KIF9: variants seen among roughly 807,000 people sequenced by gnomAD.
KIF9 encodes the protein kinesin family member 9.
In KIF9, 68 loss-of-function variants were observed where a neutral mutation model predicts 94.8. The ratio of observed to expected loss-of-function variants is 0.72; its 90% CI spans 0.59 to 0.88. The LOEUF is 0.88. KIF9 is among the 40% of genes least tolerant of loss of function. The probability of loss-of-function intolerance (pLI) is 0.00; values close to 1 mark genes in which losing one functional copy is unlikely to be tolerated. For missense variants in KIF9, 882 were observed against 982.5 expected (o/e 0.90, Z 1.37); for synonymous variants, 343 against 362.1 (o/e 0.95, Z 0.60).
In KIF9 at chr3:47,242,413, C is replaced by T. The variant is rs545594836; in HGVS notation, c.1709+638G>A. Among the ~76,000 whole-genome samples the T allele has an allele frequency of 2.6e-5, 4 of 152,194 alleles. No individual in the cohort carries two copies. The South Asian group carries it at 8.3e-4, about 32-fold the overall frequency. Reference sequence around the variant, plus strand: ...AGGCAGAATGAAACAAGAATAGTAACATATAAATTGTAGAATTGGGAGGAT... The same window carrying T: ...AGGCAGAATGAAACAAGAATAGTAATATATAAATTGTAGAATTGGGAGGAT... On this transcript the variant is annotated intron_variant, in intron 16 of 20. Coordinates refer to ENST00000684063, the MANE Select transcript of KIF9 (RefSeq NM_182902.4).
rs1698309991 is a variant in KIF9 at position 47,228,273 on chromosome 3, C to G, written c.*379G>C. ...GCTGACCAGTGTGACAAAGGCCTGCCAGGAGGAGCCTGGCTGAGCTACTTT... is the reference window on the plus strand; with the variant it reads ...GCTGACCAGTGTGACAAAGGCCTGCGAGGAGGAGCCTGGCTGAGCTACTTT... On this transcript the variant is annotated 3_prime_UTR_variant, in exon 21 of 21. Transcript: ENST00000684063. 5.7e-6 allele frequency: 1 copy of G among 176,358 alleles called. No homozygotes were observed. Among genetic ancestry groups the G allele is most frequent in the East Asian group, 1.6e-4 (1 of 6,176 alleles). The allele number at this position is 176,358 out of a possible 1,614,324, so 10.9% of individuals were successfully genotyped here. A position where few individuals can be genotyped will look rare whatever the true frequency, so the allele number is the denominator to read the frequency against.
At chr3:47,245,610 C>G in intron 13 of KIF9, 99 bp from the exon 14 acceptor site, 1 of 868,898 alleles carries the variant, frequency 1.2e-6, no homozygotes, top group Non-Finnish European at 2.0e-6. Flanking sequence ...ATGGGTGAGG[C>G]CCCTTGTGTG....
chr3:47,252,133 A>C (rs577832991), intron 10 of KIF9, among the ~76,000 whole-genome samples: 1 of 152,384 alleles, frequency 6.6e-6, no homozygotes, highest in Non-Finnish European at 1.5e-5. Flanking sequence ...AGTCTAGGAA[A>C]GGCAGCAACC....
chr3:47,257,509 C>G lies in KIF9; in HGVS notation c.1033G>C (p.Ala345Pro), dbSNP rs552207522. 2.6e-5 allele frequency: 42 copies of G among 1,613,988 alleles called. 1 individual carries two copies. The highest frequency in any genetic ancestry group is 1.7e-4 in the Middle Eastern group (1 of 6,052). ...SRMKLVTTEP[A>P]INEKYDAERM... ...TCAGCATCATACTTTTCATTGATGG[C>G]AGGCTCAGTGGTGACTAGCTTCATC... The change falls in exon 10 of 21, where the codon GCC (alanine) becomes CCC (proline). Residue 345 changes from alanine to proline, a missense_variant. Ala to Pro is a conservative substitution (Grantham distance 27, BLOSUM62 -1). Coordinates refer to ENST00000684063, the MANE Select transcript of KIF9 (RefSeq NM_182902.4).
chr3:47,238,100 GTTTCTT>G (rs1699172995), intron 17 of KIF9, among the ~76,000 whole-genome samples: 1 of 151,932 alleles, frequency 6.6e-6, no homozygotes. Context: ...TTTTTCTTTT[GTTTCTT>G]TTTCTTTTTC....
Position 47,240,365 on chromosome 3 carries a change from T to C in KIF9, c.1924+436A>G, listed in dbSNP as rs548513318. Among the ~76,000 whole-genome samples the C allele has an allele frequency of 1.9e-3, 283 of 152,290 alleles. 1 individual carries two copies. The highest frequency in any genetic ancestry group is 6.2e-3 in the African/African-American group (257 of 41,562). ...TGGCTCTCTGGCATCCACATTCTTG[T>C]TCCCTTACTTGGTTTTTCATAGTCC... On this transcript the variant is annotated intron_variant, in intron 17 of 20. Transcript: ENST00000684063.
chr3:47,282,139 C>T (rs1271521115), intron 1 of KIF9: 3 of 967,360 alleles, frequency 3.1e-6, no homozygotes, highest in African/African-American at 1.8e-5. Context: ...GGTTTCCTCA[C>T]CTGTAACACG....
intron 15 of KIF9, chr3:47,244,299 A>T (rs1342702686): frequency 6.4e-6 from 1 of 156,512 alleles, no homozygotes; most frequent in Non-Finnish European, 1.4e-5. Context: ...TCACTAAGTG[A>T]ACCTAAATGC....
rs755793271 is a variant in KIF9 at position 47,228,715 on chromosome 3, G to C, written c.2323-13C>G. ...TCAAGTAATTATGCTGGACACAGAG[G>C]GAAGAGAAAACAGGAACTTATTAGG... On this transcript the variant is annotated splice_polypyrimidine_tract_variant and intron_variant, in intron 20 of 20. Transcript: ENST00000684063. 1.2e-6 allele frequency: 2 copies of C among 1,612,684 alleles called. No individual in the cohort carries two copies. Among genetic ancestry groups the C allele is most frequent in the Admixed American group, 3.3e-5 (2 of 59,982 alleles).
At chr3:47,256,794 G>A (rs1031117496) in intron 10 of KIF9, among the ~76,000 whole-genome samples, 2 of 152,182 alleles carry the variant, frequency 1.3e-5, no homozygotes, top group African/African-American at 2.4e-5. Flanking sequence ...TTTGTTCTGT[G>A]CTAAGAAAAG....
rs1285592739 is a variant in KIF9, at chr3:47,277,302, T to C, written c.73A>G (p.Arg25Gly). Residue 25 changes from arginine (R) to glycine (G), a missense_variant, in exon 2 of 21, where the codon AGA becomes GGA. Coordinates refer to ENST00000684063, the MANE Select transcript of KIF9 (RefSeq NM_182902.4). The stretch of plus-strand genomic sequence containing the variant: ...CTTACTCTTTTGTCATCTCCGTATC[T>C]GATCATTTCATGAGCAAAGTCATCG... ...PTDDFAHEMIRYGDDKRSIDI... is the reference protein window; with the variant it reads ...PTDDFAHEMIGYGDDKRSIDI... 1.2e-6 allele frequency: 2 copies of C among 1,613,850 alleles called. No homozygotes were observed. The highest frequency in any genetic ancestry group is 1.7e-6 in the Non-Finnish European group (2 of 1,179,870).
chr3:47,243,915 T>C (rs899102848), intron 15 of KIF9: 2 of 152,254 alleles, frequency 1.3e-5, no homozygotes, highest in Non-Finnish European at 2.9e-5. Context: ...CCTCAACCCA[T>C]TGAATACTGC....
chr3:47,265,192 G>A (rs1470557160), intron 8 of KIF9, among the ~76,000 whole-genome samples: 1 of 152,224 alleles, frequency 6.6e-6, no homozygotes, highest in Non-Finnish European at 1.5e-5. Context: ...GAGGATCCAG[G>A]AGAAAACAGC....
At position 47,277,354 on chromosome 3, in the gene KIF9, A is replaced by G. The variant is rs185907670; in HGVS notation, c.21T>C (p.Val7=). The G allele has an allele frequency of 6.2e-7, 1 of 1,613,914 alleles. No individual in the cohort carries two copies. Among genetic ancestry groups the G allele is most frequent in the East Asian group, 2.2e-5 (1 of 44,880 alleles). The change falls in exon 2 of 21, where the codon GTT becomes GTC. Residue 7 remains valine (V), a synonymous_variant. Transcript: ENST00000684063. MGTRKK[V]HAFVRVKPTD... ...TGGGTTTGACACGGACAAATGCATGAACTTTTTTCCTAGTACCCATTCTAG... is the reference window on the plus strand; with the variant it reads ...TGGGTTTGACACGGACAAATGCATGGACTTTTTTCCTAGTACCCATTCTAG...
chr3:47,236,675 G>A (rs1699052346), intron 17 of KIF9, 56 bp from the exon 18 acceptor site: 2 of 1,524,756 alleles, frequency 1.3e-6, no homozygotes, highest in South Asian at 1.1e-5. Context: ...GAAATTGGGG[G>A]AGGAAGGGAT....
chr3:47,237,710 T>C (rs995041670), intron 17 of KIF9, among the ~76,000 whole-genome samples: 2 of 152,314 alleles, frequency 1.3e-5, no homozygotes, highest in African/African-American at 2.4e-5. Context: ...CCCCAGGTGC[T>C]AGAGGAAAGT....
rs181002921 is a variant in KIF9, at chr3:47,272,323, C to T, written c.367-862G>A. Among the ~76,000 whole-genome samples, 333 of 152,182 alleles carry T rather than the reference C, an allele frequency of 2.2e-3. 4 individuals are homozygous for T. The highest frequency in any genetic ancestry group is 0.014 in the Middle Eastern group (4 of 294). ...AGTAGACACAAGTTACAGATGGCTG[C>T]TGAGTATCTAAAATGTGGCTAGTAC... On this transcript the variant is annotated intron_variant, in intron 4 of 20. Coordinates refer to ENST00000684063, the MANE Select transcript of KIF9 (RefSeq NM_182902.4).
intron 2 of KIF9, among the ~76,000 whole-genome samples, chr3:47,276,211 G>C (rs1301157227): frequency 6.6e-6 from 1 of 152,156 alleles, no homozygotes; most frequent in Non-Finnish European, 1.5e-5. Flanking sequence ...TACACTGACT[G>C]CCCTAATGCA....
chr3:47,237,628 G>A (rs1699131304), intron 17 of KIF9, among the ~76,000 whole-genome samples: 1 of 152,306 alleles, frequency 6.6e-6, no homozygotes, highest in Admixed American at 6.5e-5. Flanking sequence ...CACATCAACC[G>A]CCATCCCCAA....
Sources: gnomAD v4.1 joint callset for allele counts (sites outside exome capture counted in the v4.1 genomes callset) on GRCh38, gnomAD v4.1.1 for gene constraint, MANE v1.5 for transcripts, NCBI Gene and HGNC (gene_info 2026-07-23, HGNC 2026-07-21) for gene names.